Variants in PHTF1 observed in about 807,000 individuals in gnomAD.
The protein encoded by PHTF1 is putative homeodomain transcription factor 1, also known as protein PHTF1.
PHTF1 carries 88 observed loss-of-function variants against 102.4 expected under a neutral mutation model. The observed-to-expected ratio is 0.86, with a 90% CI of 0.72 to 1.03. PHTF1 has a LOEUF of 1.03. Ranked by LOEUF, PHTF1 falls within the 50% of genes least tolerant of loss-of-function variation. The pLI, the probability that PHTF1 is intolerant of heterozygous loss-of-function variation, is 0.00. For synonymous variants in PHTF1, 289 were observed against 305.2 expected (o/e 0.95, Z 0.55); for missense variants, 814 against 909.5 (o/e 0.89, Z 1.35).
At chr1:113,734,025 C>T (rs995543600) in intron 5 of PHTF1, among the ~76,000 whole-genome samples, 1 of 152,064 alleles carries the variant, frequency 6.6e-6, no homozygotes, top group Admixed American at 6.6e-5. Flanking sequence ...TTTGGGAGGC[C>T]AAGGCGGGTG....
At chr1:113,723,013 A>G (rs1288195344) in intron 7 of PHTF1, among the ~76,000 whole-genome samples, 1 of 151,848 alleles carries the variant, frequency 6.6e-6, no homozygotes, top group African/African-American at 2.4e-5. Context: ...AACCAAAGCT[A>G]TCGTAAGTAA....
At chr1:113,731,664 C>A (rs893227393) in intron 5 of PHTF1, among the ~76,000 whole-genome samples, 3 of 151,916 alleles carry the variant, frequency 2.0e-5, no homozygotes, top group African/African-American at 7.3e-5. Flanking sequence ...GAGGCCGAGG[C>A]GGAAGGGTCA....
intron 7 of PHTF1, among the ~76,000 whole-genome samples, chr1:113,716,432 C>T (rs970050453): frequency 1.4e-5 from 2 of 146,974 alleles, no homozygotes; most frequent in African/African-American, 2.5e-5. Context: ...ACTGCCTCAA[C>T]GTCCTGGGCT....
intron 15 of PHTF1, among the ~76,000 whole-genome samples, chr1:113,701,948 A>T (rs1432391890): frequency 1.3e-5 from 2 of 151,982 alleles, no homozygotes; most frequent in Non-Finnish European, 2.9e-5. Flanking sequence ...TAAAATAAAT[A>T]CTAAAGGAGT....
At chr1:113,698,233 G>T in intron 18 of PHTF1, 29 bp downstream of exon 18, 2 of 1,551,886 alleles carry the variant, frequency 1.3e-6, no homozygotes, top group South Asian at 2.2e-5. Context: ...TTTAAGACTA[G>T]GATGCTACAG....
intron 3 of PHTF1, among the ~76,000 whole-genome samples, chr1:113,743,165 C>T (rs949053533): frequency 6.6e-6 from 1 of 151,994 alleles, no homozygotes; most frequent in Non-Finnish European, 1.5e-5. Context: ...ACTTTATAAG[C>T]TTTATAATTT....
intron 12 of PHTF1, 136 bp from the exon 13 acceptor site, chr1:113,706,298 C>T (rs1189968608): frequency 2.5e-6 from 2 of 813,386 alleles, no homozygotes; most frequent in African/African-American, 1.7e-5. Context: ...AGATTTATGA[C>T]TTTCAAATCT....
intron 16 of PHTF1, chr1:113,700,183 C>T: frequency 2.1e-6 from 2 of 953,976 alleles, no homozygotes; most frequent in Non-Finnish European, 2.5e-6. Context: ...AAGAAGATAG[C>T]TCCTTTTACT....
chr1:113,711,640 G>C, intron 10 of PHTF1, 106 bp downstream of exon 10: 1 of 779,146 alleles, frequency 1.3e-6, no homozygotes, highest in Non-Finnish European at 2.2e-6. Flanking sequence ...GGGAAGGGCT[G>C]GCAAATATTA....
intron 3 of PHTF1, among the ~76,000 whole-genome samples, chr1:113,750,843 C>CCA (rs1553235646): frequency 1.5e-5 from 2 of 135,360 alleles, no homozygotes; most frequent in East Asian, 4.5e-4. Flanking sequence ...GACTCTGTCT[C>CCA]CAAAAAAAAA....
intron 3 of PHTF1, among the ~76,000 whole-genome samples, chr1:113,751,191 CCTACTTTTA>C (rs1424582765): frequency 1.3e-5 from 2 of 151,998 alleles, no homozygotes; most frequent in Non-Finnish European, 2.9e-5. Flanking sequence ...TATGATTTTT[CCTACTTTTA>C]CTATTGGTAT....
chr1:113,734,079 A>C (rs1158663976), intron 5 of PHTF1, among the ~76,000 whole-genome samples: 2 of 152,158 alleles, frequency 1.3e-5, no homozygotes, highest in South Asian at 2.1e-4. Context: ...GGTCAACATG[A>C]TGAAACCCTA....
At chr1:113,716,110 A>C (rs1375827862) in intron 7 of PHTF1, among the ~76,000 whole-genome samples, 2 of 152,116 alleles carry the variant, frequency 1.3e-5, no homozygotes, top group African/African-American at 4.8e-5. Context: ...ATTCAAGTAC[A>C]AGAAGGTCAT....
chr1:113,752,385 A>ATTTTTTTTTTTTTT (rs774522219), intron 3 of PHTF1, among the ~76,000 whole-genome samples: 4 of 47,842 alleles, frequency 8.4e-5, no homozygotes, highest in South Asian at 6.6e-4. Flanking sequence ...TGTTACTGTA[A>ATTTTTTTTTTTTTT]TTTTTTTTTT....
chr1:113,697,732 G>T lies in PHTF1; in HGVS notation c.2269-7C>A. ...ATGATTTAATTTTCCACAGCTAAGA[G>T]AACAAAATCACCAAAATAAGTTAGT... is the stretch of plus-strand genomic sequence containing the variant. On this transcript the variant is annotated splice_region_variant and splice_polypyrimidine_tract_variant and intron_variant, in intron 18 of 18. Transcript: ENST00000369604. The T allele has an allele frequency of 6.2e-7, 1 of 1,601,900 alleles. No individual in the cohort carries two copies. The highest frequency in any genetic ancestry group is 8.6e-7 in the Non-Finnish European group (1 of 1,169,078).
chr1:113,699,625 C>T (rs1649223414), intron 17 of PHTF1, 79 bp downstream of exon 17: 1 of 730,454 alleles, frequency 1.4e-6, no homozygotes, highest in East Asian at 2.7e-5. Context: ...AAGGTATCAT[C>T]TGCCATTTAA....
chr1:113,711,642 C>T, intron 10 of PHTF1, 104 bp downstream of exon 10: 1 of 799,802 alleles, frequency 1.3e-6, no homozygotes. Context: ...GAAGGGCTGG[C>T]AAATATTAAT....
At chr1:113,706,311 T>A in intron 12 of PHTF1, 149 bp from the exon 13 acceptor site, 1 of 794,436 alleles carries the variant, frequency 1.3e-6, no homozygotes, top group Non-Finnish European at 1.9e-6. Context: ...TCAAATCTTA[T>A]TAAAAATTGG....
intron 5 of PHTF1, among the ~76,000 whole-genome samples, chr1:113,728,594 G>T (rs1226124458): frequency 6.6e-6 from 1 of 152,212 alleles, no homozygotes; most frequent in African/African-American, 2.4e-5. Context: ...CAATCTCACT[G>T]CTGGGTATAT....
Sources: allele counts gnomAD v4.1 joint callset (sites outside exome capture counted in the v4.1 genomes callset), GRCh38; gene constraint gnomAD v4.1.1; transcripts MANE v1.5; gene names NCBI Gene and HGNC (gene_info 2026-07-23, HGNC 2026-07-21).